MLH3: variants seen among roughly 807,000 people sequenced by gnomAD.
MLH3 encodes mutL homolog 3, also known as DNA mismatch repair protein Mlh3.
Under a neutral mutation model 122.2 loss-of-function variants are expected in MLH3, and 82 were observed. That is an observed-to-expected ratio of 0.67 (90% CI 0.56 to 0.81). MLH3 has a LOEUF of 0.81. MLH3 is among the 30% of genes least tolerant of loss of function. The pLI is 0.00. For synonymous variants in MLH3, 524 were observed against 599.5 expected (o/e 0.87, Z 1.84); for missense variants, 1,539 against 1,714.5 (o/e 0.90, Z 1.81).
chr14:75,047,403 T>C lies in MLH3; in HGVS notation c.2253A>G (p.Leu751=), dbSNP rs748465953. ...GCCTCTTAAACTTCTCTAAAGATCC[T>C]AGCTGTGAACTCAAGCTTAGCTTCT... is the stretch of plus-strand genomic sequence containing the variant. ...VRKKLSLSSQ[L]GSLEKFKRQY... Residue 751 remains leucine (L), a synonymous_variant, in exon 2 of 13, where the codon CTA becomes CTG. Coordinates refer to ENST00000355774, the MANE Select transcript of MLH3 (RefSeq NM_001040108.2). 5.6e-6 allele frequency: 9 copies of C among 1,614,022 alleles called. No individual in the cohort carries two copies. The African/African-American group carries it at 9.3e-5, about 17-fold the overall frequency.
chr14:75,046,198 A>T (rs1892202578), intron 2 of MLH3, among the ~76,000 whole-genome samples, 178 bp downstream of exon 2: 1 of 151,860 alleles, frequency 6.6e-6, no homozygotes, highest in Non-Finnish European at 1.5e-5. Flanking sequence ...AAAAAAAAAA[A>T]AGTAGTGTTG....
rs1346310542 is a variant in MLH3 at position 75,030,673 on chromosome 14, C to T, written c.3857G>A (p.Gly1286Asp). The change falls in exon 9 of 13, where the codon GGC becomes GAC. Residue 1286 changes from glycine (G) to aspartate (D), a missense_variant. Gly to Asp is a moderately conservative substitution (Grantham distance 94, BLOSUM62 -1). Transcript: ENST00000355774. ...AGTGTCTGGAAATACAAATTCAAGG[C>T]CCAGATCTTCCAGATTTTTGTGGTA... ...WCYHKNLEDLGLEFVFPDTSD... is the reference protein window; with the variant it reads ...WCYHKNLEDLDLEFVFPDTSD... The T allele has an allele frequency of 1.2e-6, 2 of 1,613,942 alleles. No individual in the cohort carries two copies. The highest frequency in any genetic ancestry group is 2.2e-5 in the East Asian group (1 of 44,858).
intron 2 of MLH3, among the ~76,000 whole-genome samples, chr14:75,045,965 G>A (rs1353875259): frequency 2.6e-5 from 4 of 152,044 alleles, no homozygotes. Flanking sequence ...GATCACTTGA[G>A]GCTAGGAGTT....
At chr14:75,017,943 C>T (rs540755176) in intron 12 of MLH3, among the ~76,000 whole-genome samples, 80 of 151,664 alleles carry the variant, frequency 5.3e-4, no homozygotes, top group Admixed American at 1.2e-3. Context: ...GTCGGGAGTT[C>T]GAGACCAGCC....
In MLH3 at chr14:75,032,120, GAGT is replaced by G; in HGVS notation, c.3772_3774del (p.Thr1258del). On this transcript the variant is annotated inframe_deletion, in exon 8 of 13. Transcript: ENST00000355774. ...ACTGTTATCTCTAGCGGAGGAATTA[GAGT>G]AGAAGACAGTAATTTTTTCCGACCA... The G allele has an allele frequency of 6.2e-7, 1 of 1,614,016 alleles. No homozygotes were observed. Among genetic ancestry groups the G allele is most frequent in the Non-Finnish European group, 8.5e-7 (1 of 1,179,888 alleles).
At position 75,046,391 on chromosome 14, in the gene MLH3, C is replaced by T. The variant is rs1267790091; in HGVS notation, c.3265G>A (p.Val1089Ile). 3 of 1,614,162 alleles carry T rather than the reference C, an allele frequency of 1.9e-6. No homozygotes were observed. The highest frequency in any genetic ancestry group is 1.7e-5 in the Admixed American group (1 of 60,024). ...TKDLTTVAVD[V>I]VLENGSQYRC... ...ACGTACTTACCATTCTCAAGTACAA[C>T]ATCCACAGCCACAGTTGTCAGGTCT... Residue 1089 changes from valine (V) to isoleucine (I), a missense_variant, in exon 2 of 13, where the codon GTT becomes ATT. Physicochemically the swap from Val to Ile is conservative, Grantham distance 29. Coordinates refer to ENST00000355774, the MANE Select transcript of MLH3 (RefSeq NM_001040108.2).
At chr14:75,029,318 C>T (rs1186394263) in intron 9 of MLH3, among the ~76,000 whole-genome samples, 1 of 152,100 alleles carries the variant, frequency 6.6e-6, no homozygotes, top group Admixed American at 6.6e-5. Flanking sequence ...GTTGGTCTTG[C>T]TGTCTCAGGA....
At chr14:75,021,861 A>C (rs141582889) in intron 11 of MLH3, among the ~76,000 whole-genome samples, 461 of 152,364 alleles carry the variant, frequency 3.0e-3, no homozygotes, top group Non-Finnish European at 5.4e-3. Context: ...TCATTCTACC[A>C]TAAAGACACA....
At position 75,046,543 on chromosome 14, in the gene MLH3, T is replaced by C. The variant is rs1273702353; in HGVS notation, c.3113A>G (p.Asn1038Ser). 1 of 1,614,204 alleles carries C rather than the reference T, an allele frequency of 6.2e-7. No homozygotes were observed. Among genetic ancestry groups the C allele is most frequent in the Admixed American group, 1.7e-5 (1 of 60,024 alleles). The change falls in exon 2 of 13, where the codon AAC becomes AGC. Residue 1038 changes from asparagine to serine, a missense_variant. Coordinates refer to ENST00000355774, the MANE Select transcript of MLH3 (RefSeq NM_001040108.2). ...ARACSETEES[N>S]TCCSDWQRHF... is the part of the protein sequence containing the mutation. Reference sequence around the variant, plus strand: ...CCGCTGCCAATCTGAACAACACGTGTTTGACTCTTCAGTTTCAGAACAAGC... The same window carrying C: ...CCGCTGCCAATCTGAACAACACGTGCTTGACTCTTCAGTTTCAGAACAAGC...
intron 9 of MLH3, among the ~76,000 whole-genome samples, chr14:75,026,657 A>C (rs1455373140): frequency 6.6e-6 from 1 of 152,250 alleles, no homozygotes; most frequent in African/African-American, 2.4e-5. Flanking sequence ...AATCTCCAGA[A>C]GGAAATGAAA....
At chr14:75,029,148 AAGAAAG>A (rs1463267494) in intron 9 of MLH3, among the ~76,000 whole-genome samples, 2 of 131,336 alleles carry the variant, frequency 1.5e-5, no homozygotes, top group African/African-American at 2.8e-5. Flanking sequence ...AAAAAAAAAA[AAGAAAG>A]AAAGAAAGAA....
intron 9 of MLH3, among the ~76,000 whole-genome samples, chr14:75,024,569 G>A (rs972102612): frequency 2.6e-5 from 4 of 152,156 alleles, no homozygotes; most frequent in Admixed American, 1.3e-4. Context: ...GTGCCATGGC[G>A]CGATCTCAGC....
intron 9 of MLH3, among the ~76,000 whole-genome samples, chr14:75,028,668 T>A (rs527263386): frequency 6.6e-6 from 1 of 151,294 alleles, no homozygotes; most frequent in Non-Finnish European, 1.5e-5. Flanking sequence ...TCCGCCCGCC[T>A]TGGCCTCCCA....
intron 6 of MLH3, among the ~76,000 whole-genome samples, chr14:75,035,008 AGCCGAGATT>A (rs908654551): frequency 7.5e-6 from 1 of 133,244 alleles, no homozygotes; most frequent in African/African-American, 2.7e-5. Flanking sequence ...GACTGCAGTG[AGCCGAGATT>A]GCACCACTGC....
intron 6 of MLH3, among the ~76,000 whole-genome samples, chr14:75,034,995 G>C (rs370259220): frequency 7.2e-5 from 10 of 139,010 alleles, no homozygotes; most frequent in East Asian, 2.4e-4. Flanking sequence ...CTCGGGAAGG[G>C]GAGACTGCAG....
chr14:75,023,049 CTACGGTTATGTTT>C, intron 9 of MLH3, 31 bp from the exon 10 acceptor site: 1 of 1,613,678 alleles, frequency 6.2e-7, no homozygotes, highest in Non-Finnish European at 8.5e-7. Context: ...CGGCTTTAAT[CTACGGTTATGTTT>C]TACTTGCCCT....
rs766795179 is a variant in MLH3, at chr14:75,049,276, C to A, written c.380G>T (p.Gly127Val). 6.2e-7 allele frequency: 1 copy of A among 1,614,116 alleles called. No homozygotes were observed. The highest frequency in any genetic ancestry group is 8.5e-7 in the Non-Finnish European group (1 of 1,180,040). Residue 127 changes from glycine to valine, a missense_variant, in exon 2 of 13, where the codon GGA becomes GTA. Physicochemically the swap from Gly to Val is moderately radical, Grantham distance 109. Transcript: ENST00000355774. ...AGCTTCACAAGCTTTCAGGGCTTTT[C>A]CACTCTGAAACAGTTTCACAAAAGT... Reference protein sequence around the residue: ...MKTFVKLFQSGKALKACEADV... With the variant: ...MKTFVKLFQSVKALKACEADV...
At position 75,046,745 on chromosome 14, in the gene MLH3, C is replaced by G. The variant is rs41555714; in HGVS notation, c.2911G>C (p.Val971Leu). Reference protein sequence around the residue: ...ENCVISETPLVLPYNNSKVTG... With the variant: ...ENCVISETPLLLPYNNSKVTG... ...ACTTTAGAATTATTATAGGGCAATACCAAAGGAGTTTCTGATATCACACAG... is the reference window on the plus strand; with the variant it reads ...ACTTTAGAATTATTATAGGGCAATAGCAAAGGAGTTTCTGATATCACACAG... The change falls in exon 2 of 13, where the codon GTA (valine) becomes CTA (leucine). Residue 971 changes from valine to leucine, a missense_variant. By Grantham distance (32) the Val-to-Leu change is conservative (BLOSUM62 1). Transcript: ENST00000355774. 6.2e-7 allele frequency: 1 copy of G among 1,614,144 alleles called. No individual in the cohort carries two copies. The highest frequency in any genetic ancestry group is 1.7e-5 in the Admixed American group (1 of 60,020).
chr14:75,018,886 G>A lies in MLH3; in HGVS notation c.4185C>T (p.His1395=), dbSNP rs145575075. The change falls in exon 12 of 13, where the codon CAC becomes CAT. Residue 1395 remains histidine, a synonymous_variant. Transcript: ENST00000355774. ...SSCQLPFQCA[H]GRPSMLPLAD... ...CTAACGGCAGCATAGAAGGTCTCCC[G>A]TGAGCACACTGGAATGGCAGCTGGC... is the stretch of plus-strand genomic sequence containing the variant. The A allele has an allele frequency of 3.8e-5, 62 of 1,614,128 alleles. No homozygotes were observed. Among genetic ancestry groups the A allele is most frequent in the Middle Eastern group, 1.6e-4 (1 of 6,062 alleles).
Sources: gnomAD v4.1 joint callset for allele counts (sites outside exome capture counted in the v4.1 genomes callset) on GRCh38, gnomAD v4.1.1 for gene constraint, MANE v1.5 for transcripts, NCBI Gene and HGNC (gene_info 2026-07-23, HGNC 2026-07-21) for gene names.